SNTG1: variants seen among roughly 807,000 people sequenced by gnomAD.
SNTG1 encodes gamma-1-syntrophin.
In SNTG1, 39 loss-of-function variants were observed where a neutral mutation model predicts 74.7. The observed-to-expected ratio is 0.52, with a 90% CI of 0.40 to 0.68. The LOEUF (loss-of-function observed/expected upper bound fraction) is 0.68. Ranked by LOEUF, SNTG1 falls within the 30% of genes least tolerant of loss-of-function variation. The pLI is 0.00. For synonymous variants in SNTG1, 254 were observed against 217.1 expected (o/e 1.17, Z -1.49); for missense variants, 685 against 609.5 (o/e 1.12, Z -1.30).
intron 3 of SNTG1, among the ~76,000 whole-genome samples, chr8:50,398,585 G>A (rs757758361): frequency 6.6e-6 from 1 of 151,984 alleles, no homozygotes; most frequent in Non-Finnish European, 1.5e-5. Context: ...TCCCCATGTT[G>A]CTCCCATATC....
At chr8:50,091,647 C>A (rs1447947357) in intron 1 of SNTG1, among the ~76,000 whole-genome samples, 1 of 151,514 alleles carries the variant, frequency 6.6e-6, no homozygotes, top group Non-Finnish European at 1.5e-5. Flanking sequence ...TAATATTTCA[C>A]TGTGTGTGTG....
intron 1 of SNTG1, among the ~76,000 whole-genome samples, chr8:50,028,580 G>A (rs1328981450): frequency 6.9e-6 from 1 of 144,780 alleles, no homozygotes; most frequent in African/African-American, 2.5e-5. Context: ...TACCAACAAC[G>A]TTTAAGAGAT....
chr8:50,109,670 G>A (rs1423858591), intron 1 of SNTG1, among the ~76,000 whole-genome samples: 1 of 152,162 alleles, frequency 6.6e-6, no homozygotes, highest in Non-Finnish European at 1.5e-5. Context: ...CAGGAAGGGG[G>A]AGATCCTCGG....
chr8:50,055,788 A>G (rs1819974019), intron 1 of SNTG1, among the ~76,000 whole-genome samples: 1 of 152,144 alleles, frequency 6.6e-6, no homozygotes, highest in Non-Finnish European at 1.5e-5. Flanking sequence ...CTCATTAGAA[A>G]ACAAGTCATT....
At chr8:50,668,510 T>G (rs957119256) in intron 15 of SNTG1, among the ~76,000 whole-genome samples, 1 of 33,508 alleles carries the variant, frequency 3.0e-5, no homozygotes, top group Non-Finnish European at 1.3e-4. Context: ...TTATTATTAT[T>G]ATTATTATTA....
intron 8 of SNTG1, chr8:50,491,347 G>A (rs945795794): frequency 1.3e-5 from 2 of 152,282 alleles, no homozygotes; most frequent in Admixed American, 1.3e-4. Flanking sequence ...CTTTATTATT[G>A]GAAAGCTTCA....
intron 8 of SNTG1, among the ~76,000 whole-genome samples, chr8:50,495,537 T>C (rs541323884): frequency 6.6e-6 from 1 of 151,600 alleles, no homozygotes; most frequent in South Asian, 2.1e-4. Context: ...ATTAACCCAC[T>C]ACTTCCAAAA....
chr8:50,490,966 A>T (rs2093846909), intron 8 of SNTG1: 1 of 153,238 alleles, frequency 6.5e-6, no homozygotes, highest in Admixed American at 6.5e-5. Flanking sequence ...GCTGGAACCC[A>T]AGCCTATCAA....
intron 17 of SNTG1, among the ~76,000 whole-genome samples, chr8:50,729,805 GC>G (rs1477070267): frequency 6.6e-6 from 1 of 152,142 alleles, no homozygotes; most frequent in African/African-American, 2.4e-5. Flanking sequence ...GAATTCTGAA[GC>G]TTTGATTGTC....
At chr8:50,545,491 A>AATATATATAT (rs60704745) in intron 11 of SNTG1, among the ~76,000 whole-genome samples, 105 of 147,012 alleles carry the variant, frequency 7.1e-4, no homozygotes, top group African/African-American at 2.5e-3. Flanking sequence ...ATGTTATATA[A>AATATATATAT]ATATATATAT....
intron 2 of SNTG1, among the ~76,000 whole-genome samples, chr8:50,286,176 A>G (rs2130496601): frequency 6.6e-6 from 1 of 152,286 alleles, no homozygotes; most frequent in African/African-American, 2.4e-5. Context: ...TGAGGGCAGT[A>G]GTGTTCAGAG....
At chr8:50,218,168 T>C (rs530573716) in intron 2 of SNTG1, among the ~76,000 whole-genome samples, 16 of 152,322 alleles carry the variant, frequency 1.1e-4, no homozygotes, top group Middle Eastern at 3.4e-3. Context: ...ATGAGACTAA[T>C]GTTTTATGTT....
chr8:50,620,232 C>T (rs2094912935), intron 13 of SNTG1, among the ~76,000 whole-genome samples: 1 of 152,148 alleles, frequency 6.6e-6, no homozygotes, highest in South Asian at 2.1e-4. Flanking sequence ...CATCCCTTGT[C>T]TCTCTCCATC....
chr8:50,675,420 TTCTTTGTCTTTTTAAA>T (rs1039626884), intron 15 of SNTG1, among the ~76,000 whole-genome samples: 4 of 152,110 alleles, frequency 2.6e-5, no homozygotes, highest in African/African-American at 7.2e-5. Flanking sequence ...TGTAATGCTC[TTCTTTGTCTTTTTAAA>T]TCTTTGTTGG....
At chr8:49,971,501 G>C (rs1811670655) in intron 1 of SNTG1, among the ~76,000 whole-genome samples, 1 of 152,156 alleles carries the variant, frequency 6.6e-6, no homozygotes, top group Non-Finnish European at 1.5e-5. Context: ...CATAGTGTTG[G>C]AAGTTCTGGC....
intron 17 of SNTG1, among the ~76,000 whole-genome samples, chr8:50,712,889 G>A (rs2095465654): frequency 1.3e-5 from 2 of 152,024 alleles, no homozygotes; most frequent in Non-Finnish European, 1.5e-5. Context: ...ACATTTTCTT[G>A]ATCCAGTCTA....
intron 2 of SNTG1, among the ~76,000 whole-genome samples, chr8:50,364,400 G>T (rs574914312): frequency 1.3e-5 from 2 of 152,076 alleles, no homozygotes; most frequent in Admixed American, 1.3e-4. Flanking sequence ...GACCAAATAC[G>T]GATTTCTATG....
intron 2 of SNTG1, among the ~76,000 whole-genome samples, chr8:50,287,332 C>T (rs1173156521): frequency 6.6e-6 from 1 of 152,124 alleles, no homozygotes; most frequent in Admixed American, 6.6e-5. Context: ...TGTTCTTCTC[C>T]TAGTTCCCTT....
chr8:50,443,623 A>G (rs770320653), intron 5 of SNTG1, among the ~76,000 whole-genome samples: 4 of 152,214 alleles, frequency 2.6e-5, no homozygotes, highest in Non-Finnish European at 5.9e-5. Flanking sequence ...TATACCTTCC[A>G]CAGACAATGA....
Sources: gnomAD v4.1 joint callset for allele counts (sites outside exome capture counted in the v4.1 genomes callset) on GRCh38, gnomAD v4.1.1 for gene constraint, MANE v1.5 for transcripts, NCBI Gene and HGNC (gene_info 2026-07-23, HGNC 2026-07-21) for gene names.